SORCS1: variants seen among roughly 807,000 people sequenced by gnomAD.
The protein encoded by SORCS1 is sortilin related VPS10 domain containing receptor 1, also known as VPS10 domain-containing receptor SorCS1.
A neutral mutation model predicts 146.1 loss-of-function variants in SORCS1; 60 were observed. The observed-to-expected ratio is 0.41, with a 90% CI of 0.33 to 0.51. SORCS1 has a LOEUF of 0.51. SORCS1 is among the 20% of genes least tolerant of loss of function. SORCS1 has a pLI of 0.21. For synonymous variants in SORCS1, 637 were observed against 584.0 expected, an observed-to-expected ratio of 1.09 and a Z score of -1.31; for missense variants, 1,352 against 1,487.6, an observed-to-expected ratio of 0.91 and a Z score of 1.50.
At chr10:106,673,700 T>C (rs994233715) in intron 14 of SORCS1, among the ~76,000 whole-genome samples, 1 of 152,186 alleles carries the variant, frequency 6.6e-6, no homozygotes, top group African/African-American at 2.4e-5. Flanking sequence ...ATGGTTTCCA[T>C]GCTATTTTAC....
chr10:107,025,134 A>G (rs1958342223), intron 1 of SORCS1, among the ~76,000 whole-genome samples: 1 of 152,234 alleles, frequency 6.6e-6, no homozygotes, highest in Non-Finnish European at 1.5e-5. Context: ...AATCTAAAAA[A>G]TGAAAGGCAC....
chr10:106,750,694 A>T (rs1858101920), intron 5 of SORCS1, among the ~76,000 whole-genome samples: 1 of 118,984 alleles, frequency 8.4e-6, no homozygotes, highest in African/African-American at 3.2e-5. Context: ...GCACCACTGC[A>T]CTCCAGACTG....
chr10:107,149,671 T>C (rs1441734582), intron 1 of SORCS1, among the ~76,000 whole-genome samples: 2 of 152,210 alleles, frequency 1.3e-5, no homozygotes, highest in Non-Finnish European at 2.9e-5. Context: ...AGGGGAGCAA[T>C]TTATCTCTGA....
intron 21 of SORCS1, among the ~76,000 whole-genome samples, chr10:106,617,854 ACAAT>A (rs1325747665): frequency 9.9e-5 from 15 of 152,230 alleles, no homozygotes; most frequent in Non-Finnish European, 2.1e-4. Context: ...AATATTACTA[ACAAT>A]CTAAGTGAAA....
At chr10:106,690,523 C>T (rs559327548) in intron 9 of SORCS1, among the ~76,000 whole-genome samples, 4 of 152,310 alleles carry the variant, frequency 2.6e-5, no homozygotes, top group South Asian at 4.1e-4. Context: ...GCAGAAGTGG[C>T]GACTTTATTG....
chr10:107,154,996 C>A (rs368030598), intron 1 of SORCS1, among the ~76,000 whole-genome samples: 1 of 152,068 alleles, frequency 6.6e-6, no homozygotes, highest in African/African-American at 2.4e-5. Context: ...ATAGTAGAGT[C>A]GGCAATTAAC....
intron 6 of SORCS1, among the ~76,000 whole-genome samples, chr10:106,723,484 T>C (rs560351435): frequency 1.3e-5 from 2 of 152,242 alleles, no homozygotes; most frequent in African/African-American, 4.8e-5. Flanking sequence ...TTCTTTGAAC[T>C]CAGGGGCCAA....
chr10:106,896,422 T>C (rs1273667058), intron 2 of SORCS1, among the ~76,000 whole-genome samples: 1 of 144,426 alleles, frequency 6.9e-6, no homozygotes, highest in African/African-American at 2.6e-5. Context: ...GAGTGAGACT[T>C]TGTCTCAAAA....
chr10:106,864,000 G>A (rs1006255571), intron 2 of SORCS1, among the ~76,000 whole-genome samples: 20 of 152,256 alleles, frequency 1.3e-4, no homozygotes, highest in Middle Eastern at 3.4e-3. Context: ...AGTAACAGAT[G>A]CTGGAAAATG....
chr10:107,143,012 T>C (rs2134733162), intron 1 of SORCS1, among the ~76,000 whole-genome samples: 1 of 152,322 alleles, frequency 6.6e-6, no homozygotes, highest in South Asian at 2.1e-4. Flanking sequence ...AGACAAAGGA[T>C]ATCACATCAC....
intron 5 of SORCS1, among the ~76,000 whole-genome samples, chr10:106,760,967 C>T (rs1465526605): frequency 6.6e-6 from 1 of 152,050 alleles, no homozygotes; most frequent in Non-Finnish European, 1.5e-5. Flanking sequence ...AGTAGCCAGG[C>T]ATGGTGGCGT....
intron 1 of SORCS1, among the ~76,000 whole-genome samples, chr10:107,035,261 TCAAAAAAAAAAAAACAA>T (rs1397879518): frequency 4.8e-5 from 3 of 61,976 alleles, no homozygotes; most frequent in African/African-American, 1.1e-4. Flanking sequence ...CAGTGAAGCT[TCAAAAAAAAAAAAACAA>T]CAAAAAAAAA....
intron 18 of SORCS1, among the ~76,000 whole-genome samples, chr10:106,648,246 C>T (rs1474987396): frequency 2.0e-5 from 3 of 152,084 alleles, no homozygotes; most frequent in Non-Finnish European, 4.4e-5. Flanking sequence ...TAATGAAACC[C>T]TTTTAAAGTT....
At chr10:106,838,406 G>A (rs919819134) in intron 2 of SORCS1, among the ~76,000 whole-genome samples, 2 of 152,102 alleles carry the variant, frequency 1.3e-5, no homozygotes, top group Non-Finnish European at 2.9e-5. Context: ...TGTTACATTT[G>A]TTACAATCAA....
At chr10:106,744,780 A>C (rs1284355294) in intron 5 of SORCS1, among the ~76,000 whole-genome samples, 1 of 152,110 alleles carries the variant, frequency 6.6e-6, no homozygotes, top group African/African-American at 2.4e-5. Flanking sequence ...GAAAAGGTAA[A>C]ACAGAGTGTG....
At chr10:107,137,403 A>G (rs1211032239) in intron 1 of SORCS1, among the ~76,000 whole-genome samples, 1 of 152,006 alleles carries the variant, frequency 6.6e-6, no homozygotes, top group African/African-American at 2.4e-5. Context: ...ATCCCCGACA[A>G]CTCAAATTTC....
At position 106,593,185 on chromosome 10, in the gene SORCS1, C is replaced by T. The variant is rs79950840; in HGVS notation, c.3265+4166G>A. ...GCAAGTGTGTCTCGGCCCACCGATACCCTACCAAAGTGCCAAGTTTTCCAT... is the reference window on the plus strand; with the variant it reads ...GCAAGTGTGTCTCGGCCCACCGATATCCTACCAAAGTGCCAAGTTTTCCAT... On this transcript the variant is annotated intron_variant, in intron 24 of 25. Coordinates refer to ENST00000263054, the MANE Select transcript of SORCS1 (RefSeq NM_052918.5). Among the ~76,000 whole-genome samples the T allele has an allele frequency of 7.6e-3, 1,149 of 151,284 alleles. 17 individuals are homozygous for T. The highest frequency in any genetic ancestry group is 0.026 in the African/African-American group (1,089 of 41,270).
At chr10:107,036,389 T>C (rs1189157932) in intron 1 of SORCS1, among the ~76,000 whole-genome samples, 1 of 152,150 alleles carries the variant, frequency 6.6e-6, no homozygotes, top group African/African-American at 2.4e-5. Context: ...CTGGAACCAA[T>C]CTCTCATGGA....
In SORCS1 at chr10:106,652,369, G is replaced by A. The variant is rs1161852134; in HGVS notation, c.2475+13C>T. 2 of 1,593,288 alleles carry A rather than the reference G, an allele frequency of 1.3e-6. No individual in the cohort carries two copies. The highest frequency in any genetic ancestry group is 2.3e-5 in the East Asian group (1 of 44,344). ...GCCCTAGAAAGTAGGGGGGAGATAG[G>A]AATCAGTCCTACCTCTTCTAATTGC... is the stretch of plus-strand genomic sequence containing the variant. On this transcript the variant is annotated intron_variant, in intron 18 of 25. Transcript: ENST00000263054.
Sources: gnomAD v4.1 joint callset for allele counts (sites outside exome capture counted in the v4.1 genomes callset) on GRCh38, gnomAD v4.1.1 for gene constraint, MANE v1.5 for transcripts, NCBI Gene and HGNC (gene_info 2026-07-23, HGNC 2026-07-21) for gene names.